Variants in NKAIN2 observed in about 807,000 individuals in gnomAD.
The protein encoded by NKAIN2 is sodium/potassium-transporting ATPase subunit beta-1-interacting protein 2.
In NKAIN2, 14 loss-of-function variants were observed where a neutral mutation model predicts 32.6. The ratio of observed to expected loss-of-function variants is 0.43; its 90% CI spans 0.28 to 0.67. NKAIN2 has a LOEUF of 0.67. NKAIN2 is among the 30% of genes least tolerant of loss of function. The pLI is 0.17. For missense variants in NKAIN2, 198 were observed against 258.3 expected, an observed-to-expected ratio of 0.77 and a Z score of 1.60; for synonymous variants, 80 against 87.2, an observed-to-expected ratio of 0.92 and a Z score of 0.46.
At chr6:124,333,163 G>GTA (rs1797733178) in intron 2 of NKAIN2, among the ~76,000 whole-genome samples, 1 of 152,158 alleles carries the variant, frequency 6.6e-6, no homozygotes, top group African/African-American at 2.4e-5. Context: ...TAGAATATAT[G>GTA]TATAGCACTT....
intron 4 of NKAIN2, among the ~76,000 whole-genome samples, chr6:124,716,135 A>G (rs1185799029): frequency 6.6e-6 from 1 of 152,244 alleles, no homozygotes; most frequent in African/African-American, 2.4e-5. Flanking sequence ...AAGAATTTGG[A>G]GACCTGTATA....
In NKAIN2 at chr6:124,199,123, C is replaced by T. The variant is rs925480824; in HGVS notation, c.55-83882C>T. Among the ~76,000 whole-genome samples the T allele has an allele frequency of 3.0e-4, 45 of 152,124 alleles. 1 individual carries two copies. Among genetic ancestry groups the T allele is most frequent in the Non-Finnish European group, 5.9e-5 (4 of 68,022 alleles). On this transcript the variant is annotated intron_variant, in intron 1 of 6. Coordinates refer to ENST00000368417, the MANE Select transcript of NKAIN2 (RefSeq NM_001040214.3). ...TTTTAGATTTACTTTGCGGTATCTCCTTTGAAAAATTGTAGTTAGACGACA... is the reference window on the plus strand; with the variant it reads ...TTTTAGATTTACTTTGCGGTATCTCTTTTGAAAAATTGTAGTTAGACGACA...
At chr6:124,727,121 G>C (rs540088110) in intron 4 of NKAIN2, among the ~76,000 whole-genome samples, 15 of 152,152 alleles carry the variant, frequency 9.9e-5, no homozygotes, top group Admixed American at 7.2e-4. Context: ...GAACCCAGTT[G>C]GAAAACATTC....
At chr6:124,604,236 T>A (rs186141984) in intron 3 of NKAIN2, among the ~76,000 whole-genome samples, 8 of 151,988 alleles carry the variant, frequency 5.3e-5, no homozygotes, top group African/African-American at 1.9e-4. Context: ...GTGAATCATA[T>A]ACACACTACA....
intron 1 of NKAIN2, among the ~76,000 whole-genome samples, chr6:123,969,230 C>T (rs1354618841): frequency 6.6e-6 from 1 of 152,014 alleles, no homozygotes; most frequent in African/African-American, 2.4e-5. Flanking sequence ...TGGCAAGCGC[C>T]TTAGGTATTA....
chr6:124,309,032 C>T (rs992219807), intron 2 of NKAIN2, among the ~76,000 whole-genome samples: 1 of 152,074 alleles, frequency 6.6e-6, no homozygotes, highest in African/African-American at 2.4e-5. Flanking sequence ...GAACAGGCAT[C>T]CATTCTATTT....
At chr6:123,986,830 G>T (rs1262108908) in intron 1 of NKAIN2, among the ~76,000 whole-genome samples, 2 of 152,154 alleles carry the variant, frequency 1.3e-5, no homozygotes, top group African/African-American at 4.8e-5. Flanking sequence ...TGACTCCAAA[G>T]ATTTGAGTCA....
intron 1 of NKAIN2, among the ~76,000 whole-genome samples, chr6:124,050,943 T>G (rs1782372528): frequency 6.6e-6 from 1 of 152,072 alleles, no homozygotes; most frequent in African/African-American, 2.4e-5. Context: ...TTCCTTTTGT[T>G]TTTCAAAGGG....
chr6:123,851,648 C>T (rs1775352798), intron 1 of NKAIN2, among the ~76,000 whole-genome samples: 1 of 152,152 alleles, frequency 6.6e-6, no homozygotes. Context: ...TCTCCACATC[C>T]TCACCAAGAC....
chr6:124,710,821 T>C (rs1380165282), intron 4 of NKAIN2, among the ~76,000 whole-genome samples: 18 of 148,666 alleles, frequency 1.2e-4, no homozygotes, highest in African/African-American at 2.2e-4. Context: ...GAGCATTTAG[T>C]CCATTTACAT....
At chr6:124,097,365 T>C (rs1784687390) in intron 1 of NKAIN2, among the ~76,000 whole-genome samples, 1 of 146,302 alleles carries the variant, frequency 6.8e-6, no homozygotes, top group Non-Finnish European at 1.5e-5. Flanking sequence ...ATCGCGCCAC[T>C]GCACTCTGGC....
intron 1 of NKAIN2, among the ~76,000 whole-genome samples, chr6:123,950,715 TTTTG>T (rs1400251814): frequency 2.6e-5 from 4 of 151,900 alleles, no homozygotes; most frequent in African/African-American, 7.2e-5. Context: ...AGTTTTTCAA[TTTTG>T]TTTATCTTTT....
intron 1 of NKAIN2, among the ~76,000 whole-genome samples, chr6:123,821,353 CA>C (rs1773915122): frequency 6.6e-6 from 1 of 152,142 alleles, no homozygotes; most frequent in South Asian, 2.1e-4. Context: ...GGTGTCAGGC[CA>C]GGTGCTGATA....
chr6:123,901,903 T>G (rs1207180941), intron 1 of NKAIN2, among the ~76,000 whole-genome samples: 1 of 152,102 alleles, frequency 6.6e-6, no homozygotes. Flanking sequence ...CATGAAGACT[T>G]TAAAATGAAG....
At chr6:124,737,260 C>A (rs1776994315) in intron 4 of NKAIN2, among the ~76,000 whole-genome samples, 1 of 151,812 alleles carries the variant, frequency 6.6e-6, no homozygotes, top group Non-Finnish European at 1.5e-5. Context: ...GGGATGGTTA[C>A]CTCCATGCTG....
chr6:123,826,936 G>T (rs1276911905), intron 1 of NKAIN2, among the ~76,000 whole-genome samples: 2 of 152,000 alleles, frequency 1.3e-5, no homozygotes, highest in African/African-American at 2.4e-5. Context: ...TCCCATAGTG[G>T]CTGCACCTTT....
At chr6:124,772,207 G>T (rs539370860) in intron 4 of NKAIN2, among the ~76,000 whole-genome samples, 1 of 152,198 alleles carries the variant, frequency 6.6e-6, no homozygotes, top group Non-Finnish European at 1.5e-5. Context: ...AATGAGGTGG[G>T]AAAAGAAATA....
At chr6:123,856,709 G>T (rs1020943238) in intron 1 of NKAIN2, among the ~76,000 whole-genome samples, 1 of 152,170 alleles carries the variant, frequency 6.6e-6, no homozygotes, top group South Asian at 2.1e-4. Flanking sequence ...CCATGTGCTT[G>T]TTAAACATTC....
At chr6:124,148,304 G>GT (rs11316849) in intron 1 of NKAIN2, among the ~76,000 whole-genome samples, 1 of 151,826 alleles carries the variant, frequency 6.6e-6, no homozygotes, top group African/African-American at 2.4e-5. Flanking sequence ...GAATTTGGTG[G>GT]TTTTTTTAGT....
Sources: gnomAD v4.1 joint callset for allele counts (sites outside exome capture counted in the v4.1 genomes callset) on GRCh38, gnomAD v4.1.1 for gene constraint, MANE v1.5 for transcripts, NCBI Gene and HGNC (gene_info 2026-07-23, HGNC 2026-07-21) for gene names.